Variants in NKAPL observed in about 807,000 individuals in gnomAD.
The protein encoded by NKAPL is NFKB activating protein like, also known as NKAP-like protein.
In NKAPL, 7 loss-of-function variants were observed where a neutral mutation model predicts 14.7. The ratio of observed to expected loss-of-function variants is 0.48; its 90% confidence interval spans 0.27 to 0.89. The LOEUF is 0.89. Among genes scored for constraint, NKAPL ranks in the 40% least tolerant of loss-of-function variants. NKAPL has a pLI of 0.12. For synonymous variants in NKAPL, 192 were observed against 179.9 expected, an observed-to-expected ratio of 1.07 and a Z score of -0.54; for missense variants, 466 against 494.1, an observed-to-expected ratio of 0.94 and a Z score of 0.54.
At position 28,260,741 on chromosome 6, in the gene NKAPL, A is replaced by G; in HGVS notation, c.*161A>G. 1 of 856,178 alleles carries G rather than the reference A, an allele frequency of 1.2e-6. No homozygotes were observed. 53.0% of individuals were successfully genotyped at this position (856,178 alleles called of 1,614,324 possible). On this transcript the variant is annotated 3_prime_UTR_variant, in exon 1 of 1. Transcript: ENST00000343684. The stretch of plus-strand genomic sequence containing the variant: ...TAGCAGCTTATTTTTTGTTATTTTA[A>G]CTTTAAAAAGTAATATGTGCACATG...
In NKAPL at chr6:28,259,312, C is replaced by G; in HGVS notation, c.-60C>G. 3 of 1,438,516 alleles carry G rather than the reference C, an allele frequency of 2.1e-6. No homozygotes were observed. The highest frequency in any genetic ancestry group is 4.6e-5 in the Admixed American group (2 of 43,330). 89.1% of individuals were successfully genotyped at this position (1,438,516 alleles called of 1,614,324 possible). A position where few individuals can be genotyped will look rare whatever the true frequency, so the allele number is the denominator to read the frequency against. The stretch of plus-strand genomic sequence containing the variant: ...GGCCGATTCTAGTGCGCCTGCGTGG[C>G]CGCGAATCACCAGCCAGCCTCTGGG... On this transcript the variant is annotated 5_prime_UTR_variant, in exon 1 of 1. Coordinates refer to ENST00000343684, the MANE Select transcript of NKAPL (RefSeq NM_001007531.3).
Position 28,259,589 on chromosome 6 carries a change from G to A in NKAPL, c.218G>A (p.Gly73Glu), listed in dbSNP as rs774974166. The A allele has an allele frequency of 1.4e-5, 22 of 1,614,042 alleles. No individual in the cohort carries two copies. The African/African-American group carries it at 1.5e-4, about 11-fold the overall frequency. The change falls in exon 1 of 1, where the codon GGG becomes GAG. Residue 73 changes from glycine to glutamate, a missense_variant. Transcript: ENST00000343684. ...CCCTTTAGTCGCTCTGGGTCGCGAGGGCGGCTCCCAAGATTCCGCAACTAC... is the reference window on the plus strand; with the variant it reads ...CCCTTTAGTCGCTCTGGGTCGCGAGAGCGGCTCCCAAGATTCCGCAACTAC... ...LYPFSRSGSR[G>E]RLPRFRNYAF...
At position 28,259,340 on chromosome 6, in the gene NKAPL, T is replaced by C. The variant is rs1335626477; in HGVS notation, c.-32T>C. ...CGAATCACCAGCCAGCCTCTGGGTC[T>C]GTAGCAACCGCCCAGCGTTGAGGCG... On this transcript the variant is annotated 5_prime_UTR_variant, in exon 1 of 1. Transcript: ENST00000343684. 1 of 1,523,802 alleles carries C rather than the reference T, an allele frequency of 6.6e-7. No individual in the cohort carries two copies. Among genetic ancestry groups the C allele is most frequent in the Non-Finnish European group, 8.8e-7 (1 of 1,132,238 alleles). 94.4% of individuals were successfully genotyped at this position (1,523,802 alleles called of 1,614,324 possible). A position where few individuals can be genotyped will look rare whatever the true frequency, so the allele number is the denominator to read the frequency against.
Position 28,260,213 on chromosome 6 carries a change from A to G in NKAPL, c.842A>G (p.Glu281Gly). Residue 281 changes from glutamate to glycine, a missense_variant, in exon 1 of 1, where the codon GAA becomes GGA. Physicochemically the swap from Glu to Gly is moderately conservative, Grantham distance 98. Coordinates refer to ENST00000343684, the MANE Select transcript of NKAPL (RefSeq NM_001007531.3). ...VADTMDLIGP[E>G]APIIHTSQDE... ...GATACTATGGATTTAATAGGGCCAG[A>G]AGCACCTATAATACATACCTCTCAA... is the stretch of plus-strand genomic sequence containing the variant. 1 of 1,614,118 alleles carries G rather than the reference A, an allele frequency of 6.2e-7. No individual in the cohort carries two copies. Among genetic ancestry groups the G allele is most frequent in the African/African-American group, 1.3e-5 (1 of 75,066 alleles).
rs778996794 is a variant in NKAPL, at chr6:28,260,574, C to T, written c.1203C>T (p.Asp401=). The stretch of plus-strand genomic sequence containing the variant: ...ACAAAAAGACAAAAGAGAAAGATGA[C>T]AAGTAAGGACTTACTTGTTGCACAG... The part of the protein sequence containing the change: ...MVHKKTKEKD[D]K The change falls in exon 1 of 1, where the codon GAC becomes GAT. Residue 401 remains aspartate, a synonymous_variant. Transcript: ENST00000343684. 6.2e-7 allele frequency: 1 copy of T among 1,608,056 alleles called. No homozygotes were observed. Among genetic ancestry groups the T allele is most frequent in the Admixed American group, 1.7e-5 (1 of 58,786 alleles).
Position 28,260,392 on chromosome 6 carries a change from ATGAGT to A in NKAPL, c.1022_1026del (p.Met341ArgfsTer2). ...TTCTTTTGAATGCTCAGGTTATGTC[ATGAGT>A]GGTAGCAGGCATCGCAGAATGGAGG... On this transcript the variant is annotated frameshift_variant, in exon 1 of 1. Transcript: ENST00000343684. LOFTEE classifies it high-confidence loss of function. 6.2e-7 allele frequency: 1 copy of A among 1,614,212 alleles called. No individual in the cohort carries two copies. Among genetic ancestry groups the A allele is most frequent in the Non-Finnish European group, 8.5e-7 (1 of 1,180,052 alleles).
In NKAPL at chr6:28,260,548, C is replaced by T. The variant is rs2113701458; in HGVS notation, c.1177C>T (p.His393Tyr). Residue 393 changes from histidine to tyrosine, a missense_variant, in exon 1 of 1, where the codon CAC (histidine) becomes TAC (tyrosine). Coordinates refer to ENST00000343684, the MANE Select transcript of NKAPL (RefSeq NM_001007531.3). ...TTTAGCCAGTTTCCGAGAGATGGTG[C>T]ACAAAAAGACAAAAGAGAAAGATGA... Reference protein sequence around the residue: ...KILASFREMVHKKTKEKDDK With the variant: ...KILASFREMVYKKTKEKDDK The T allele has an allele frequency of 6.2e-7, 1 of 1,612,398 alleles. No individual in the cohort carries two copies. The highest frequency in any genetic ancestry group is 8.5e-7 in the Non-Finnish European group (1 of 1,179,384).
Position 28,260,518 on chromosome 6 carries a change from A to G in NKAPL, c.1147A>G (p.Lys383Glu), listed in dbSNP as rs750900664. The G allele has an allele frequency of 6.2e-7, 1 of 1,614,112 alleles. No homozygotes were observed. The highest frequency in any genetic ancestry group is 8.5e-7 in the Non-Finnish European group (1 of 1,180,014). The change falls in exon 1 of 1, where the codon AAG becomes GAG. Residue 383 changes from lysine (K) to glutamate (E), a missense_variant. Physicochemically the swap from Lys to Glu is moderately conservative, Grantham distance 56. Coordinates refer to ENST00000343684, the MANE Select transcript of NKAPL (RefSeq NM_001007531.3). ...AGAAGAGAGACGAAAGAGAGAAAGTAAGATTTTAGCCAGTTTCCGAGAGAT... is the reference window on the plus strand; with the variant it reads ...AGAAGAGAGACGAAAGAGAGAAAGTGAGATTTTAGCCAGTTTCCGAGAGAT... ...NQEERRKRESKILASFREMVH... is the reference protein window; with the variant it reads ...NQEERRKRESEILASFREMVH...
Position 28,259,740 on chromosome 6 carries a change from GGA to G in NKAPL, c.379_380del (p.Arg127AspfsTer8), listed in dbSNP as rs745489248. ...EESHRQRRLK[E>X]RERIGELGAP... Reference sequence around the variant, plus strand: ...AGAGCCATCGGCAGAGGAGGCTGAAGGAGAGAGAGAGGATTGGGGAATTGGGA... The same window carrying G: ...AGAGCCATCGGCAGAGGAGGCTGAAGGAGAGAGAGGATTGGGGAATTGGGA... On this transcript the variant is annotated frameshift_variant, in exon 1 of 1. Transcript: ENST00000343684. LOFTEE classifies it low-confidence loss of function (END_TRUNC). 5.0e-6 allele frequency: 8 copies of G among 1,614,064 alleles called. No homozygotes were observed. The highest frequency in any genetic ancestry group is 1.7e-5 in the Admixed American group (1 of 60,006).
Position 28,260,722 on chromosome 6 carries a change from C to T in NKAPL, c.*142C>T. On this transcript the variant is annotated 3_prime_UTR_variant, in exon 1 of 1. Coordinates refer to ENST00000343684, the MANE Select transcript of NKAPL (RefSeq NM_001007531.3). The stretch of plus-strand genomic sequence containing the variant: ...GCTTCTTTTGAGATATCTTTAGCAG[C>T]TTATTTTTTGTTATTTTAACTTTAA... The T allele has an allele frequency of 2.0e-6, 2 of 1,007,868 alleles. No homozygotes were observed. The highest frequency in any genetic ancestry group is 3.3e-5 in the Admixed American group (1 of 30,652). The allele number at this position is 1,007,868 out of a possible 1,614,324, so 62.4% of individuals were successfully genotyped here.
At position 28,259,410 on chromosome 6, in the gene NKAPL, C is replaced by T; in HGVS notation, c.39C>T (p.Ile13=). 2 of 1,606,232 alleles carry T rather than the reference C, an allele frequency of 1.2e-6. No homozygotes were observed. Among genetic ancestry groups the T allele is most frequent in the Non-Finnish European group, 1.7e-6 (2 of 1,174,624 alleles). ...CCCGGTCCAGCTATTCCGAGGACAT[C>T]GTGGGCTCTCGGAGAAGGCGACGCA... The part of the protein sequence containing the change: ...PVSRSSYSED[I]VGSRRRRRSS... Residue 13 remains isoleucine, a synonymous_variant, in exon 1 of 1, where the codon ATC becomes ATT. Coordinates refer to ENST00000343684, the MANE Select transcript of NKAPL (RefSeq NM_001007531.3).
chr6:28,260,328 A>C lies in NKAPL; in HGVS notation c.957A>C (p.Pro319=). Residue 319 remains proline (P), a synonymous_variant, in exon 1 of 1, where the codon CCA becomes CCC. Transcript: ENST00000343684. ...ATGTAAAAGCTGGAAAGCGAATCCC[A>C]CGAAGAGGTGAAATTGGGTTGACAA... is the stretch of plus-strand genomic sequence containing the variant. ...AEYVKAGKRI[P]RRGEIGLTSE... 6.2e-7 allele frequency: 1 copy of C among 1,614,208 alleles called. No homozygotes were observed. The highest frequency in any genetic ancestry group is 8.5e-7 in the Non-Finnish European group (1 of 1,180,032).
Position 28,259,794 on chromosome 6 carries a change from A to G in NKAPL, c.423A>G (p.Pro141=), listed in dbSNP as rs975205760. 2 of 1,614,108 alleles carry G rather than the reference A, an allele frequency of 1.2e-6. No homozygotes were observed. Among genetic ancestry groups the G allele is most frequent in the African/African-American group, 1.3e-5 (1 of 74,942 alleles). The change falls in exon 1 of 1, where the codon CCA becomes CCG. Residue 141 remains proline (P), a synonymous_variant. Coordinates refer to ENST00000343684, the MANE Select transcript of NKAPL (RefSeq NM_001007531.3). ...CGCCTGAAGTGTGGGGGCCGTCTCC[A>G]AAGTTCCCTCAGCTAGATTCTGACG... The part of the protein sequence containing the change: ...LGAPEVWGPS[P]KFPQLDSDEH...
chr6:28,259,557 T>C lies in NKAPL; in HGVS notation c.186T>C (p.Ala62=), dbSNP rs1269131597. The C allele has an allele frequency of 2.5e-6, 4 of 1,614,050 alleles. No individual in the cohort carries two copies. In the Admixed American group the frequency reaches 6.7e-5, roughly 27 times the overall value. The change falls in exon 1 of 1, where the codon GCT becomes GCC. Residue 62 remains alanine (A), a synonymous_variant. Coordinates refer to ENST00000343684, the MANE Select transcript of NKAPL (RefSeq NM_001007531.3). ...RPPWSELDVG[A]LYPFSRSGSR... is the part of the protein sequence containing the mutation. ...CTTGGAGTGAGTTGGACGTGGGCGC[T>C]CTTTACCCCTTTAGTCGCTCTGGGT...
Position 28,260,166 on chromosome 6 carries a change from G to C in NKAPL, c.795G>C (p.Trp265Cys). ...DSEEDLSEAT[W>C]MEQPNVADTM... ...AAGAGGACTTGTCAGAAGCTACCTG[G>C]ATGGAGCAGCCAAATGTGGCAGATA... The change falls in exon 1 of 1, where the codon TGG becomes TGC. Residue 265 changes from tryptophan (W) to cysteine (C), a missense_variant. Coordinates refer to ENST00000343684, the MANE Select transcript of NKAPL (RefSeq NM_001007531.3). The C allele has an allele frequency of 6.2e-7, 1 of 1,613,964 alleles. No homozygotes were observed. Among genetic ancestry groups the C allele is most frequent in the South Asian group, 1.1e-5 (1 of 91,044 alleles).
At position 28,260,696 on chromosome 6, in the gene NKAPL, A is replaced by C; in HGVS notation, c.*116A>C. 1 of 1,328,494 alleles carries C rather than the reference A, an allele frequency of 7.5e-7. No homozygotes were observed. The highest frequency in any genetic ancestry group is 2.0e-4 in the Middle Eastern group (1 of 5,006). The allele number at this position is 1,328,494 out of a possible 1,614,324, so 82.3% of individuals were successfully genotyped here. On this transcript the variant is annotated 3_prime_UTR_variant, in exon 1 of 1. Transcript: ENST00000343684. Reference sequence around the variant, plus strand: ...CATATTAGTAAGTCCCTCAGGAAAAAGCTTCTTTTGAGATATCTTTAGCAG... The same window carrying C: ...CATATTAGTAAGTCCCTCAGGAAAACGCTTCTTTTGAGATATCTTTAGCAG...
chr6:28,260,611 A>G lies in NKAPL; in HGVS notation c.*31A>G, dbSNP rs374658602. 3.2e-6 allele frequency: 5 copies of G among 1,582,218 alleles called. No individual in the cohort carries two copies. In the African/African-American group the frequency reaches 6.8e-5, roughly 22 times the overall value. ...TACTTGTTGCACAGCAGGAATTTTA[A>G]CAACAAAAATTTTATGTGACCAAAA... is the stretch of plus-strand genomic sequence containing the variant. On this transcript the variant is annotated 3_prime_UTR_variant, in exon 1 of 1. Coordinates refer to ENST00000343684, the MANE Select transcript of NKAPL (RefSeq NM_001007531.3).
Position 28,260,102 on chromosome 6 carries a change from C to A in NKAPL, c.731C>A (p.Thr244Asn), listed in dbSNP as rs781284942. 12 of 1,582,126 alleles carry A rather than the reference C, an allele frequency of 7.6e-6. No homozygotes were observed. The highest frequency in any genetic ancestry group is 2.2e-5 in the East Asian group (1 of 44,754). ...ACAAAGAAAAAGAAGAATAAGAAAA[C>A]CAAAAAAGAATCCAGTGACTCAAGC... The part of the protein sequence containing the change: ...HKTKKKKNKK[T>N]KKESSDSSCK... The change falls in exon 1 of 1, where the codon ACC becomes AAC. Residue 244 changes from threonine (T) to asparagine (N), a missense_variant. By Grantham distance (65) the Thr-to-Asn change is moderately conservative. Coordinates refer to ENST00000343684, the MANE Select transcript of NKAPL (RefSeq NM_001007531.3).
Position 28,260,028 on chromosome 6 carries a change from TAA to T in NKAPL, c.661_662del (p.Lys221GlufsTer3). On this transcript the variant is annotated frameshift_variant, in exon 1 of 1. Transcript: ENST00000343684. LOFTEE classifies it low-confidence loss of function (END_TRUNC). The part of the protein sequence containing the change: ...SDTNSDSDDD[K>X]KRVKAKKKKK... ...ACACAAATTCTGACTCTGATGATGATAAAAAGAGAGTTAAAGCCAAGAAGAAA... is the reference window on the plus strand; with the variant it reads ...ACACAAATTCTGACTCTGATGATGATAAAGAGAGTTAAAGCCAAGAAGAAA... 3 of 1,593,666 alleles carry T rather than the reference TAA, an allele frequency of 1.9e-6. No homozygotes were observed. The highest frequency in any genetic ancestry group is 2.6e-6 in the Non-Finnish European group (3 of 1,174,954).
Sources: gnomAD v4.1 joint callset for allele counts on GRCh38, gnomAD v4.1.1 for gene constraint, MANE v1.5 for transcripts, NCBI Gene and HGNC (gene_info 2026-07-23, HGNC 2026-07-21) for gene names.